RERE: variants seen among roughly 807,000 people sequenced by gnomAD.
RERE encodes the protein arginine-glutamic acid dipeptide repeats, also known as arginine-glutamic acid dipeptide repeats protein.
A neutral mutation model predicts 146.1 loss-of-function variants in RERE; 40 were observed. The observed-to-expected ratio is 0.27, with a 90% CI of 0.21 to 0.36. The LOEUF (loss-of-function observed/expected upper bound fraction) is 0.36, where lower values mean the gene tolerates loss of function less well. Among genes scored for constraint, RERE ranks in the 10% least tolerant of loss-of-function variants. The pLI, the probability that RERE is intolerant of heterozygous loss-of-function variation, is 1.00. For missense variants in RERE, 1,933 were observed against 2,138.7 expected (o/e 0.90, Z 1.90); for synonymous variants, 1,003 against 866.0 (o/e 1.16, Z -2.78).
chr1:8,795,103 C>A (rs1161488882), intron 1 of RERE, among the ~76,000 whole-genome samples: 1 of 152,200 alleles, frequency 6.6e-6, no homozygotes, highest in East Asian at 1.9e-4. Flanking sequence ...TCTTGGCTCA[C>A]TGTAACCTCT....
At chr1:8,709,524 G>C (rs2124453970) in intron 1 of RERE, among the ~76,000 whole-genome samples, 1 of 152,206 alleles carries the variant, frequency 6.6e-6, no homozygotes, top group South Asian at 2.1e-4. Context: ...AGGTACAAAA[G>C]CATGCACATA....
At chr1:8,389,504 G>A (rs184531063) in intron 12 of RERE, among the ~76,000 whole-genome samples, 13 of 152,114 alleles carry the variant, frequency 8.5e-5, no homozygotes, top group Non-Finnish European at 1.6e-4. Context: ...CCCAGCAGGC[G>A]CACCCTAGCA....
chr1:8,594,124 CAT>C (rs1646527643), intron 4 of RERE, among the ~76,000 whole-genome samples: 1 of 152,162 alleles, frequency 6.6e-6, no homozygotes, highest in Non-Finnish European at 1.5e-5. Flanking sequence ...TTTATTCTCA[CAT>C]GAGAATAACC....
intron 12 of RERE, among the ~76,000 whole-genome samples, chr1:8,416,446 C>G (rs1444344885): frequency 1.3e-5 from 2 of 151,818 alleles, no homozygotes; most frequent in Non-Finnish European, 2.9e-5. Flanking sequence ...ATTAGCCAGG[C>G]GTGGTGGCGG....
intron 1 of RERE, among the ~76,000 whole-genome samples, chr1:8,760,209 T>G (rs1297360022): frequency 6.6e-6 from 1 of 152,212 alleles, no homozygotes; most frequent in African/African-American, 2.4e-5. Context: ...GTATTTTCAG[T>G]AGAGACGGGG....
At chr1:8,608,029 CGTTTTT>C (rs942445876) in intron 4 of RERE, among the ~76,000 whole-genome samples, 1 of 151,828 alleles carries the variant, frequency 6.6e-6, no homozygotes, top group Non-Finnish European at 1.5e-5. Flanking sequence ...CCCAGCCTAA[CGTTTTT>C]GTTTTTGTTT....
At chr1:8,443,459 GAA>G (rs144499944) in intron 11 of RERE, among the ~76,000 whole-genome samples, 5,616 of 112,806 alleles carry the variant, frequency 0.05, 266 homozygotes, top group African/African-American at 0.17. Flanking sequence ...CTCAAAAAAA[GAA>G]AAAAAAAAAA....
At chr1:8,642,457 T>C (rs1261294433) in intron 2 of RERE, among the ~76,000 whole-genome samples, 1 of 152,222 alleles carries the variant, frequency 6.6e-6, no homozygotes, top group Non-Finnish European at 1.5e-5. Flanking sequence ...AGAGAATTTT[T>C]TAGGGCTGTT....
intron 7 of RERE, among the ~76,000 whole-genome samples, chr1:8,534,454 AG>A (rs901377035): frequency 1.9e-4 from 29 of 152,318 alleles, no homozygotes; most frequent in African/African-American, 6.5e-4. Flanking sequence ...TATAGGTGCA[AG>A]TGTGTGCATT....
At chr1:8,370,610 C>T (rs1040409892) in intron 12 of RERE, among the ~76,000 whole-genome samples, 6 of 152,124 alleles carry the variant, frequency 3.9e-5, no homozygotes, top group Admixed American at 2.0e-4. Flanking sequence ...TGGAATGAAG[C>T]GAGTCTAGGA....
At chr1:8,488,045 G>A (rs1476362838) in intron 10 of RERE, among the ~76,000 whole-genome samples, 1 of 140,940 alleles carries the variant, frequency 7.1e-6, no homozygotes, top group African/African-American at 2.7e-5. Flanking sequence ...TTCAAGCCCA[G>A]ACTGAACAAC....
chr1:8,380,630 A>G (rs978171171), intron 12 of RERE: 22 of 356,258 alleles, frequency 6.2e-5, no homozygotes, highest in African/African-American at 4.5e-4. Flanking sequence ...TACAGGCGTG[A>G]GCCACCAAGC....
At chr1:8,695,423 T>C (rs563544427) in intron 1 of RERE, among the ~76,000 whole-genome samples, 30 of 151,858 alleles carry the variant, frequency 2.0e-4, no homozygotes, top group African/African-American at 6.8e-4. Flanking sequence ...TGGGACCTAA[T>C]TAAACTAAAG....
intron 21 of RERE, among the ~76,000 whole-genome samples, chr1:8,355,825 C>G (rs1641267526): frequency 6.6e-6 from 1 of 152,104 alleles, no homozygotes; most frequent in South Asian, 2.1e-4. Flanking sequence ...TCCTCCAAGG[C>G]CTCAGCCCAA....
At chr1:8,742,542 C>T (rs1640329443) in intron 1 of RERE, among the ~76,000 whole-genome samples, 1 of 152,116 alleles carries the variant, frequency 6.6e-6, no homozygotes, top group Admixed American at 6.5e-5. Flanking sequence ...GTACAACCAC[C>T]AGCAGTGCTG....
intron 11 of RERE, among the ~76,000 whole-genome samples, chr1:8,441,378 GCC>G (rs758755970): frequency 6.6e-6 from 1 of 152,018 alleles, no homozygotes; most frequent in Non-Finnish European, 1.5e-5. Context: ...CCCCACCACT[GCC>G]CCCCTCTCAC....
chr1:8,796,888 C>T lies in RERE; in HGVS notation c.-145+20272G>A, dbSNP rs538871269. Among the ~76,000 whole-genome samples the T allele has an allele frequency of 1.5e-3, 231 of 152,186 alleles. 1 individual carries two copies. The highest frequency in any genetic ancestry group is 2.6e-3 in the Non-Finnish European group (179 of 67,998). ...ATACATTTAGTTCCATCAAAATCAACAGAAAACCATCTACTATGAGCCTCC... is the reference window on the plus strand; with the variant it reads ...ATACATTTAGTTCCATCAAAATCAATAGAAAACCATCTACTATGAGCCTCC... On this transcript the variant is annotated intron_variant, in intron 1 of 22. Transcript: ENST00000400908.
intron 4 of RERE, among the ~76,000 whole-genome samples, chr1:8,565,380 T>C (rs1646141281): frequency 1.3e-5 from 2 of 152,190 alleles, no homozygotes; most frequent in Admixed American, 1.3e-4. Context: ...AAATATCTTG[T>C]AATATTTCAA....
chr1:8,597,306 C>A (rs536709366), intron 4 of RERE, among the ~76,000 whole-genome samples: 1 of 152,046 alleles, frequency 6.6e-6, no homozygotes, highest in Non-Finnish European at 1.5e-5. Context: ...CCAGGCTGGT[C>A]TCGAACTCCT....
Sources: gnomAD v4.1 joint callset for allele counts (sites outside exome capture counted in the v4.1 genomes callset) on GRCh38, gnomAD v4.1.1 for gene constraint, MANE v1.5 for transcripts, NCBI Gene and HGNC (gene_info 2026-07-23, HGNC 2026-07-21) for gene names.